ADGB: variants seen among roughly 807,000 people sequenced by gnomAD.
The protein encoded by ADGB is calpain-7-like protein.
In ADGB, 172 loss-of-function variants were observed where a neutral mutation model predicts 210.5. That is an observed-to-expected ratio of 0.82 (90% confidence interval 0.72 to 0.93). The LOEUF (loss-of-function observed/expected upper bound fraction) is 0.93. ADGB is among the 40% of genes least tolerant of loss of function. The pLI is 0.00. For synonymous variants in ADGB, 658 were observed against 662.7 expected, an observed-to-expected ratio of 0.99 and a Z score of 0.11; for missense variants, 2,025 against 1,964.8, an observed-to-expected ratio of 1.03 and a Z score of -0.58.
chr6:146,667,736 T>C (rs377425423), intron 7 of ADGB, among the ~76,000 whole-genome samples: 3 of 152,188 alleles, frequency 2.0e-5, no homozygotes, highest in Admixed American at 6.6e-5. Context: ...CAACTTTTAA[T>C]TGGCCACATC....
At chr6:146,780,331 G>A (rs1167606971) in intron 29 of ADGB, among the ~76,000 whole-genome samples, 2 of 152,060 alleles carry the variant, frequency 1.3e-5, no homozygotes, top group East Asian at 1.9e-4. Context: ...ATAATAAAAA[G>A]GCAGACATAA....
At position 146,749,909 on chromosome 6, in the gene ADGB, G is replaced by T. The variant is rs562258918; in HGVS notation, c.3366-2621G>T. Among the ~76,000 whole-genome samples, 259 of 152,206 alleles carry T rather than the reference G, an allele frequency of 1.7e-3. 1 individual carries two copies. Among genetic ancestry groups the T allele is most frequent in the African/African-American group, 5.7e-3 (238 of 41,548 alleles). On this transcript the variant is annotated intron_variant, in intron 26 of 35. Coordinates refer to ENST00000397944, the MANE Select transcript of ADGB (RefSeq NM_024694.4). ...GAACTCACTCACTATCATGAGGACA[G>T]CAAGGGGAATTCCATCCCCATGATC... is the stretch of plus-strand genomic sequence containing the variant.
Position 146,802,025 on chromosome 6 carries a change from C to T in ADGB, c.4818+14C>T. 3 of 1,487,012 alleles carry T rather than the reference C, an allele frequency of 2.0e-6. No individual in the cohort carries two copies. Among genetic ancestry groups the T allele is most frequent in the Non-Finnish European group, 2.7e-6 (3 of 1,120,084 alleles). The allele number at this position is 1,487,012 out of a possible 1,614,324, so 92.1% of individuals were successfully genotyped here. A position where few individuals can be genotyped will look rare whatever the true frequency, so the allele number is the denominator to read the frequency against. On this transcript the variant is annotated intron_variant, in intron 35 of 35. Transcript: ENST00000397944. The stretch of plus-strand genomic sequence containing the variant: ...AAGGAAATGCAGGTGAGTCTAAAAG[C>T]ACATACATAGATTATAGTTGGCAAA...
chr6:146,739,587 T>C (rs1437957055), intron 23 of ADGB, among the ~76,000 whole-genome samples: 1 of 152,154 alleles, frequency 6.6e-6, no homozygotes, highest in Non-Finnish European at 1.5e-5. Flanking sequence ...AGTATGTGAC[T>C]TTTGTCTTCC....
At chr6:146,602,625 G>C (rs1443701457) in intron 1 of ADGB, among the ~76,000 whole-genome samples, 10 of 152,146 alleles carry the variant, frequency 6.6e-5, no homozygotes, top group East Asian at 5.8e-4. Flanking sequence ...CAGGGTGCCA[G>C]CATGGTCAGG....
In ADGB at chr6:146,748,984, A is replaced by G. The variant is rs1463461970; in HGVS notation, c.3365+2875A>G. ...TCTGCAAAAGACCCTATCTCCAAAT[A>G]GGTGACATTGTGAAGCACTGGGGGT... On this transcript the variant is annotated intron_variant, in intron 26 of 35. Transcript: ENST00000397944. Among the ~76,000 whole-genome samples, 3 of 152,180 alleles carry G rather than the reference A, an allele frequency of 2.0e-5. No individual in the cohort carries two copies. The East Asian group carries it at 5.8e-4, about 29-fold the overall frequency.
In ADGB at chr6:146,784,609, T is replaced by A; in HGVS notation, c.4036-9T>A. 4.0e-6 allele frequency: 6 copies of A among 1,507,188 alleles called. No individual in the cohort carries two copies. The highest frequency in any genetic ancestry group is 5.3e-6 in the Non-Finnish European group (6 of 1,127,968). The allele number at this position is 1,507,188 out of a possible 1,614,324, so 93.4% of individuals were successfully genotyped here. ...AGCATGCAAAACCCAAAGGTTTTTA[T>A]TTTATCAGATATCCACTGTTCACCC... On this transcript the variant is annotated splice_polypyrimidine_tract_variant and intron_variant, in intron 30 of 35. Coordinates refer to ENST00000397944, the MANE Select transcript of ADGB (RefSeq NM_024694.4).
At chr6:146,807,187 A>G (rs1302732560) in intron 35 of ADGB, among the ~76,000 whole-genome samples, 1 of 152,144 alleles carries the variant, frequency 6.6e-6, no homozygotes, top group Non-Finnish European at 1.5e-5. Context: ...AACTGTTTTT[A>G]TTTTGCCGTA....
chr6:146,683,426 T>C (rs558198137), intron 9 of ADGB, among the ~76,000 whole-genome samples: 1 of 152,112 alleles, frequency 6.6e-6, no homozygotes, highest in Non-Finnish European at 1.5e-5. Flanking sequence ...AGCACCAGTA[T>C]AGTGATACCA....
At position 146,612,570 on chromosome 6, in the gene ADGB, C is replaced by T. The variant is rs556964828; in HGVS notation, c.74+13456C>T. ...GCTCCACATTCATTTTCTTCCCTGC[C>T]GTCCTCTAGTTGAGGCCCTTTTAAA... is the stretch of plus-strand genomic sequence containing the variant. On this transcript the variant is annotated intron_variant, in intron 1 of 35. Transcript: ENST00000397944. Among the ~76,000 whole-genome samples, 8 of 152,210 alleles carry T rather than the reference C, an allele frequency of 5.3e-5. No individual in the cohort carries two copies. In the East Asian group the frequency reaches 1.2e-3, roughly 22 times the overall value.
intron 12 of ADGB, among the ~76,000 whole-genome samples, chr6:146,697,435 T>C (rs549664578): frequency 6.6e-6 from 1 of 152,198 alleles, no homozygotes; most frequent in South Asian, 2.1e-4. Context: ...GGTGAAAATT[T>C]AAAAAAGAAA....
At chr6:146,651,295 G>A (rs562562437) in intron 3 of ADGB, among the ~76,000 whole-genome samples, 28 of 152,274 alleles carry the variant, frequency 1.8e-4, no homozygotes, top group East Asian at 9.7e-4. Context: ...GAAACTAGGC[G>A]TACAGGCTGA....
intron 1 of ADGB, among the ~76,000 whole-genome samples, chr6:146,626,583 A>C: frequency 6.6e-6 from 1 of 151,850 alleles, no homozygotes; most frequent in East Asian, 1.9e-4. Context: ...CAGTTCTTTA[A>C]AGATGTTGCC....
intron 13 of ADGB, among the ~76,000 whole-genome samples, chr6:146,706,003 C>T (rs960074818): frequency 1.3e-5 from 2 of 150,942 alleles, no homozygotes; most frequent in African/African-American, 4.9e-5. Flanking sequence ...AACTTAACTG[C>T]AGCCTTGAAC....
intron 5 of ADGB, among the ~76,000 whole-genome samples, chr6:146,660,204 G>A (rs979837286): frequency 5.9e-5 from 9 of 152,106 alleles, no homozygotes; most frequent in African/African-American, 2.2e-4. Context: ...CTCTCATCCA[G>A]TGACATTTTT....
intron 11 of ADGB, 75 bp downstream of exon 11, chr6:146,691,365 G>A: frequency 8.5e-7 from 1 of 1,170,210 alleles, no homozygotes; most frequent in Non-Finnish European, 1.1e-6. Context: ...GGTGAAAGAT[G>A]TATGTCAAGG....
At chr6:146,753,040 A>G (rs1352666410) in intron 27 of ADGB, among the ~76,000 whole-genome samples, 1 of 152,066 alleles carries the variant, frequency 6.6e-6, no homozygotes, top group East Asian at 1.9e-4. Flanking sequence ...AAAATATTGT[A>G]CTTACTAAAA....
chr6:146,633,461 C>T (rs1041028510), intron 1 of ADGB, among the ~76,000 whole-genome samples: 3 of 151,976 alleles, frequency 2.0e-5, no homozygotes, highest in Non-Finnish European at 2.9e-5. Context: ...ATCACCTTGA[C>T]AATCTTTGCA....
chr6:146,780,113 C>T (rs78543807), intron 29 of ADGB, among the ~76,000 whole-genome samples: 23 of 151,708 alleles, frequency 1.5e-4, no homozygotes, highest in Admixed American at 5.3e-4. Context: ...GACAGAAATA[C>T]GTGAACAAAG....
Sources: allele counts gnomAD v4.1 joint callset (sites outside exome capture counted in the v4.1 genomes callset), GRCh38; gene constraint gnomAD v4.1.1; transcripts MANE v1.5; gene names NCBI Gene and HGNC (gene_info 2026-07-23, HGNC 2026-07-21).